The following GRM8 variants were observed in gnomAD, a reference collection of about 807,000 sequenced individuals.
GRM8 encodes the protein metabotropic glutamate receptor 8.
A neutral mutation model predicts 87.2 loss-of-function variants in GRM8; 47 were observed. The ratio of observed to expected loss-of-function variants is 0.54; its 90% CI spans 0.43 to 0.69. GRM8 has a LOEUF of 0.69. GRM8 is among the 30% of genes least tolerant of loss of function. GRM8 has a pLI of 0.00. For synonymous variants in GRM8, 396 were observed against 404.5 expected, an observed-to-expected ratio of 0.98 and a Z score of 0.25; for missense variants, 1,019 against 1,139.2, an observed-to-expected ratio of 0.89 and a Z score of 1.52.
intron 10 of GRM8, among the ~76,000 whole-genome samples, chr7:126,441,514 T>C (rs919126667): frequency 6.6e-6 from 1 of 152,090 alleles, no homozygotes; most frequent in African/African-American, 2.4e-5. Flanking sequence ...TGTCCTATTT[T>C]TTCATGTAAT....
At chr7:127,241,426 CT>C (rs566986158) in intron 2 of GRM8, among the ~76,000 whole-genome samples, 6,202 of 145,072 alleles carry the variant, frequency 0.043, 340 homozygotes, top group Admixed American at 0.17. Context: ...TGCATAGGAC[CT>C]TTTTTTTTTC....
At chr7:127,131,985 T>C (rs1405351218) in intron 2 of GRM8, among the ~76,000 whole-genome samples, 1 of 152,188 alleles carries the variant, frequency 6.6e-6, no homozygotes, top group Non-Finnish European at 1.5e-5. Flanking sequence ...AGAGTAGCCA[T>C]TTAAAACATG....
chr7:126,542,485 G>A (rs1485545263), intron 8 of GRM8, among the ~76,000 whole-genome samples: 1 of 152,170 alleles, frequency 6.6e-6, no homozygotes, highest in South Asian at 2.1e-4. Context: ...ATCAGCACAG[G>A]GGTAAAAAGT....
intron 7 of GRM8, among the ~76,000 whole-genome samples, chr7:126,675,957 T>C (rs1390096067): frequency 6.6e-6 from 1 of 152,162 alleles, no homozygotes; most frequent in Non-Finnish European, 1.5e-5. Context: ...ACTATTTCTG[T>C]TTGCTGATGA....
intron 3 of GRM8, among the ~76,000 whole-genome samples, chr7:127,026,907 C>T (rs1227081293): frequency 6.6e-6 from 1 of 152,102 alleles, no homozygotes; most frequent in Non-Finnish European, 1.5e-5. Flanking sequence ...GAAGTCTTTG[C>T]CCATGCCTAT....
intron 9 of GRM8, among the ~76,000 whole-genome samples, chr7:126,499,906 T>C (rs568289087): frequency 4.0e-5 from 2 of 49,694 alleles, no homozygotes; most frequent in African/African-American, 1.9e-4. Flanking sequence ...CTGTATTCTA[T>C]ATATACAATT....
At chr7:126,962,897 C>G (rs1300724820) in intron 3 of GRM8, among the ~76,000 whole-genome samples, 1 of 152,182 alleles carries the variant, frequency 6.6e-6, no homozygotes. Flanking sequence ...CGGTTATGTT[C>G]TCTAAAGTCT....
In GRM8 at chr7:126,495,878, T is replaced by C. The variant is rs1462279324; in HGVS notation, c.2430+37074A>G. Among the ~76,000 whole-genome samples, 6 of 151,978 alleles carry C rather than the reference T, an allele frequency of 3.9e-5. No homozygotes were observed. In the East Asian group the frequency reaches 1.2e-3, roughly 29 times the overall value. ...GTTGGCAAGGTGGCTAACGAAAATA[T>C]CCAATCTCACTAGGCATACGTGCAT... On this transcript the variant is annotated intron_variant, in intron 9 of 10. Coordinates refer to ENST00000339582, the MANE Select transcript of GRM8 (RefSeq NM_000845.3).
chr7:127,217,497 T>C (rs62468887), intron 2 of GRM8, among the ~76,000 whole-genome samples: 8,667 of 152,258 alleles, frequency 0.057, 325 homozygotes, highest in Non-Finnish European at 0.079. Flanking sequence ...TCCCAAAGGG[T>C]TCCAGTTTTG....
intron 2 of GRM8, among the ~76,000 whole-genome samples, chr7:127,180,697 T>C (rs1226703247): frequency 1.3e-5 from 2 of 151,954 alleles, no homozygotes; most frequent in South Asian, 2.1e-4. Flanking sequence ...GTTTAACATA[T>C]GCAAGTCAAT....
chr7:127,089,407 C>A (rs1408785617), intron 3 of GRM8, among the ~76,000 whole-genome samples: 1 of 152,130 alleles, frequency 6.6e-6, no homozygotes, highest in African/African-American at 2.4e-5. Context: ...TTGTTTTGAG[C>A]CACCCAGTGT....
intron 3 of GRM8, among the ~76,000 whole-genome samples, chr7:126,953,347 G>T (rs1458567781): frequency 6.6e-6 from 1 of 151,910 alleles, no homozygotes; most frequent in African/African-American, 2.4e-5. Context: ...AGCTATAATC[G>T]ATCTTAATTT....
intron 3 of GRM8, among the ~76,000 whole-genome samples, chr7:126,906,918 A>G (rs992592382): frequency 3.3e-5 from 5 of 152,180 alleles, no homozygotes; most frequent in Admixed American, 3.3e-4. Flanking sequence ...CCTTCAGTAA[A>G]TATTTCTTGA....
intron 7 of GRM8, among the ~76,000 whole-genome samples, chr7:126,691,883 C>A (rs1808851698): frequency 6.6e-6 from 1 of 152,216 alleles, no homozygotes; most frequent in African/African-American, 2.4e-5. Flanking sequence ...AGAATTTAAT[C>A]CTGGTAGACT....
At chr7:126,612,665 C>T (rs1040084087) in intron 7 of GRM8, among the ~76,000 whole-genome samples, 7 of 152,166 alleles carry the variant, frequency 4.6e-5, no homozygotes, top group African/African-American at 1.7e-4. Context: ...CTGCAATCTT[C>T]ACAAAACTAT....
intron 3 of GRM8, among the ~76,000 whole-genome samples, chr7:126,992,404 T>C (rs1488934066): frequency 6.6e-6 from 1 of 152,186 alleles, no homozygotes; most frequent in Non-Finnish European, 1.5e-5. Flanking sequence ...ATAAGTTAAT[T>C]GAGCAAGATT....
intron 3 of GRM8, among the ~76,000 whole-genome samples, chr7:126,964,290 GGC>G (rs1190816278): frequency 6.6e-6 from 1 of 152,050 alleles, no homozygotes; most frequent in Non-Finnish European, 1.5e-5. Context: ...CAAAAGCAAT[GGC>G]AACAAAAGCC....
intron 2 of GRM8, among the ~76,000 whole-genome samples, chr7:127,216,678 C>T (rs1384543539): frequency 1.3e-5 from 2 of 152,162 alleles, no homozygotes; most frequent in Non-Finnish European, 2.9e-5. Flanking sequence ...ACTCTGTGGC[C>T]TACAAGGAGG....
chr7:126,699,013 T>A, intron 7 of GRM8, among the ~76,000 whole-genome samples: 1 of 152,190 alleles, frequency 6.6e-6, no homozygotes, highest in East Asian at 1.9e-4. Context: ...AAGAAGCTGT[T>A]AGATAATTTC....
Sources: allele counts gnomAD v4.1 joint callset (sites outside exome capture counted in the v4.1 genomes callset), GRCh38; gene constraint gnomAD v4.1.1; transcripts MANE v1.5; gene names NCBI Gene and HGNC (gene_info 2026-07-23, HGNC 2026-07-21).